The following IQCJ variants were observed in gnomAD, a reference collection of about 807,000 sequenced individuals.
The protein encoded by IQCJ is IQ domain-containing protein J.
IQCJ carries 9 observed loss-of-function variants against 11.0 expected under a neutral mutation model. The observed-to-expected ratio is 0.82, with a 90% CI of 0.49 to 1.43. The LOEUF is 1.43. Ranked by LOEUF, IQCJ falls within the 40% of genes most tolerant of loss-of-function variation. The pLI, the probability that IQCJ is intolerant of heterozygous loss-of-function variation, is 0.00. For synonymous variants in IQCJ, 55 were observed against 51.3 expected (o/e 1.07, Z -0.31); for missense variants, 146 against 133.2 (o/e 1.10, Z -0.47).
chr3:159,128,473 A>G (rs1719798998), intron 1 of IQCJ, among the ~76,000 whole-genome samples: 1 of 152,204 alleles, frequency 6.6e-6, no homozygotes, highest in African/African-American at 2.4e-5. Context: ...GAAGATACAC[A>G]AGCAGAATTC....
chr3:159,149,636 C>G (rs1721101448), intron 1 of IQCJ, among the ~76,000 whole-genome samples: 1 of 152,124 alleles, frequency 6.6e-6, no homozygotes, highest in Non-Finnish European at 1.5e-5. Context: ...TTTGAAGCAG[C>G]TTTTGAAAAT....
intron 1 of IQCJ, among the ~76,000 whole-genome samples, chr3:159,210,920 C>T (rs1301316311): frequency 6.8e-6 from 1 of 146,326 alleles, no homozygotes; most frequent in Non-Finnish European, 1.5e-5. Context: ...GATCCGCCCA[C>T]CTCTACCTCC....
chr3:159,123,100 T>A (rs998199879), intron 1 of IQCJ, among the ~76,000 whole-genome samples: 1 of 152,142 alleles, frequency 6.6e-6, no homozygotes, highest in Admixed American at 6.6e-5. Flanking sequence ...AAGTTATGCT[T>A]GAGGTAACAC....
chr3:159,218,889 G>T (rs1037741287), intron 1 of IQCJ, among the ~76,000 whole-genome samples: 1 of 152,048 alleles, frequency 6.6e-6, no homozygotes, highest in Non-Finnish European at 1.5e-5. Flanking sequence ...TCCTTCCAGA[G>T]GCTCTAGGAG....
intron 1 of IQCJ, among the ~76,000 whole-genome samples, chr3:159,113,046 G>A (rs1036552288): frequency 6.6e-6 from 1 of 152,184 alleles, no homozygotes; most frequent in African/African-American, 2.4e-5. Context: ...GTTGGAAAAG[G>A]GGAATGTAAT....
At chr3:159,117,114 G>T (rs749778769) in intron 1 of IQCJ, among the ~76,000 whole-genome samples, 1 of 152,146 alleles carries the variant, frequency 6.6e-6, no homozygotes, top group Non-Finnish European at 1.5e-5. Flanking sequence ...TTGCCACCTT[G>T]CTTTCCCCTA....
At chr3:159,111,416 A>G (rs1396174696) in intron 1 of IQCJ, among the ~76,000 whole-genome samples, 1 of 152,180 alleles carries the variant, frequency 6.6e-6, no homozygotes. Context: ...ACTTGAAATA[A>G]TAAGTTGACC....
At chr3:159,217,790 C>T (rs1049538472) in intron 1 of IQCJ, among the ~76,000 whole-genome samples, 4 of 152,036 alleles carry the variant, frequency 2.6e-5, no homozygotes, top group African/African-American at 9.7e-5. Context: ...ATATTACCTC[C>T]TTAAGTAGCC....
At chr3:159,130,171 A>C (rs1328581142) in intron 1 of IQCJ, among the ~76,000 whole-genome samples, 1 of 152,202 alleles carries the variant, frequency 6.6e-6, no homozygotes, top group Non-Finnish European at 1.5e-5. Flanking sequence ...AAATAGAATC[A>C]TACAGTAAAC....
At chr3:159,129,217 G>A (rs1241960873) in intron 1 of IQCJ, among the ~76,000 whole-genome samples, 5 of 152,102 alleles carry the variant, frequency 3.3e-5, no homozygotes, top group African/African-American at 1.2e-4. Flanking sequence ...ATTTGCCTGG[G>A]CCACACATCC....
intron 1 of IQCJ, among the ~76,000 whole-genome samples, chr3:159,157,957 A>T (rs993824496): frequency 6.6e-6 from 1 of 152,114 alleles, no homozygotes; most frequent in Non-Finnish European, 1.5e-5. Context: ...CTACTGAGAG[A>T]CATTTGGGCT....
chr3:159,238,757 A>G (rs1391761794), intron 1 of IQCJ, among the ~76,000 whole-genome samples: 1 of 152,148 alleles, frequency 6.6e-6, no homozygotes, highest in Non-Finnish European at 1.5e-5. Flanking sequence ...GAAGAGTTAG[A>G]GGCATGTTGT....
At chr3:159,108,173 T>G (rs1215294100) in intron 1 of IQCJ, among the ~76,000 whole-genome samples, 1 of 152,204 alleles carries the variant, frequency 6.6e-6, no homozygotes, top group African/African-American at 2.4e-5. Flanking sequence ...AAGCTACCAC[T>G]GTGATTGCTA....
intron 1 of IQCJ, among the ~76,000 whole-genome samples, chr3:159,186,630 G>T (rs1296944378): frequency 6.6e-6 from 1 of 152,180 alleles, no homozygotes; most frequent in Non-Finnish European, 1.5e-5. Context: ...CAGAAAATGT[G>T]CTCATGCTCT....
At chr3:159,154,249 C>T (rs1721390332) in intron 1 of IQCJ, among the ~76,000 whole-genome samples, 1 of 152,048 alleles carries the variant, frequency 6.6e-6, no homozygotes, top group African/African-American at 2.4e-5. Context: ...TTTTGCTCCA[C>T]TTTAAAGAAA....
chr3:159,243,681 A>G (rs1241477690), intron 1 of IQCJ, among the ~76,000 whole-genome samples: 3 of 152,050 alleles, frequency 2.0e-5, no homozygotes, highest in African/African-American at 7.3e-5. Flanking sequence ...TTCGGCTGTG[A>G]CTCTACCAAT....
intron 1 of IQCJ, among the ~76,000 whole-genome samples, chr3:159,215,537 C>T (rs73029448): frequency 0.016 from 2,448 of 152,180 alleles, 75 homozygotes; most frequent in African/African-American, 0.056. Context: ...CCAGCAAAGG[C>T]GTTACAACTG....
rs528562195 is a variant in IQCJ, at chr3:159,233,416, G to A, written c.10-12427G>A. Among the ~76,000 whole-genome samples, 11 of 152,280 alleles carry A rather than the reference G, an allele frequency of 7.2e-5. No individual in the cohort carries two copies. In the East Asian group the frequency reaches 2.1e-3, roughly 29 times the overall value. On this transcript the variant is annotated intron_variant, in intron 1 of 3. Transcript: ENST00000397832. ...AAGTAGAATAGATGGTGTTCCAGAG[G>A]CCATTTGGCAAAACTGGGTAACTAA...
At chr3:159,247,190 G>T (rs760943407) in intron 2 of IQCJ, among the ~76,000 whole-genome samples, 1 of 152,134 alleles carries the variant, frequency 6.6e-6, no homozygotes, top group African/African-American at 2.4e-5. Flanking sequence ...TCCGCCTCCC[G>T]GGTTCAAGTG....
Sources: gnomAD v4.1 joint callset for allele counts (sites outside exome capture counted in the v4.1 genomes callset) on GRCh38, gnomAD v4.1.1 for gene constraint, MANE v1.5 for transcripts, NCBI Gene and HGNC (gene_info 2026-07-23, HGNC 2026-07-21) for gene names.